ABR: variants seen among roughly 807,000 people sequenced by gnomAD.
The protein encoded by ABR is active breakpoint cluster region-related protein.
A neutral mutation model predicts 107.2 loss-of-function variants in ABR; 35 were observed. That is an observed-to-expected ratio of 0.33 (90% confidence interval 0.25 to 0.43). The LOEUF is 0.43. Ranked by LOEUF, ABR falls within the 20% of genes least tolerant of loss-of-function variation. ABR has a pLI of 1.00. For missense variants in ABR, 815 were observed against 1,115.2 expected (o/e 0.73, Z 3.83); for synonymous variants, 498 against 462.0 (o/e 1.08, Z -1.00).
rs763641087 is a variant in ABR at position 1,058,853 on chromosome 17, G to T, written c.1197C>A (p.Gly399=). 12 of 1,613,996 alleles carry T rather than the reference G, an allele frequency of 7.4e-6. No homozygotes were observed. Among genetic ancestry groups the T allele is most frequent in the Non-Finnish European group, 1.0e-5 (12 of 1,180,028 alleles). Residue 399 remains glycine, a synonymous_variant, in exon 11 of 23, where the codon GGC becomes GGA. Transcript: ENST00000302538. ...TCAGGCGCTCGATGGCCCGGCTCTGGCCTTTGTTGGCTTTCTGCAGGAGAT... is the reference window on the plus strand; with the variant it reads ...TCAGGCGCTCGATGGCCCGGCTCTGTCCTTTGTTGGCTTTCTGCAGGAGAT... ...SEIQKEKANK[G]QSRAIERLKK...
intron 16 of ABR, among the ~76,000 whole-genome samples, chr17:1,013,386 C>T (rs2150747323): frequency 6.6e-6 from 1 of 152,114 alleles, no homozygotes; most frequent in Middle Eastern, 3.4e-3. Flanking sequence ...CTGTTACCCG[C>T]CGTGGGGGAG....
chr17:1,076,727 G>C (rs563983605), intron 6 of ABR, among the ~76,000 whole-genome samples: 54,657 of 122,776 alleles, frequency 0.45, 14,172 homozygotes, highest in Middle Eastern at 0.53. Flanking sequence ...GGGGGGTGGG[G>C]GTGGGGGGGG....
intron 1 of ABR, among the ~76,000 whole-genome samples, chr17:1,138,882 C>G (rs1186604273): frequency 6.6e-6 from 1 of 152,210 alleles, no homozygotes; most frequent in Non-Finnish European, 1.5e-5. Flanking sequence ...TTTAGGTATG[C>G]ACTAGCTCAG....
chr17:1,012,618 C>T (rs2070713623), intron 18 of ABR, 70 bp downstream of exon 18: 2 of 1,192,854 alleles, frequency 1.7e-6, no homozygotes, highest in Non-Finnish European at 2.4e-6. Flanking sequence ...GCGGGGAGGG[C>T]TGGGGGGCCC....
intron 1 of ABR, among the ~76,000 whole-genome samples, chr17:1,149,512 G>A (rs931954157): frequency 1.6e-4 from 24 of 151,598 alleles, no homozygotes; most frequent in African/African-American, 5.6e-4. Context: ...CCACCTCCCG[G>A]GTTCAAGAGA....
chr17:1,135,381 T>C lies in ABR; in HGVS notation c.62-10014A>G, dbSNP rs982889906. 1.8e-4 allele frequency among the ~76,000 whole-genome samples: 27 copies of C among 149,788 alleles called. No homozygotes were observed. In the East Asian group the frequency reaches 4.7e-3, roughly 26 times the overall value. On this transcript the variant is annotated intron_variant, in intron 1 of 22. Coordinates refer to ENST00000302538, the MANE Select transcript of ABR (RefSeq NM_021962.5). ...TTTTATTCTTTTTCTTTTTGTCTTTTTTTTTTTTTTTTGAGACAGAGTTTC... is the reference window on the plus strand; with the variant it reads ...TTTTATTCTTTTTCTTTTTGTCTTTCTTTTTTTTTTTTGAGACAGAGTTTC...
At position 1,011,996 on chromosome 17, in the gene ABR, G is replaced by A. The variant is rs367839819; in HGVS notation, c.1962-11C>T. The A allele has an allele frequency of 1.4e-4, 218 of 1,611,590 alleles. No individual in the cohort carries two copies. The highest frequency in any genetic ancestry group is 1.8e-4 in the Non-Finnish European group (213 of 1,178,344). ...TTGGAGCGCTCCCGCCTGGGGTGGA[G>A]CGTGAGGATGGGTGGAGGGCAGCCC... On this transcript the variant is annotated splice_polypyrimidine_tract_variant and intron_variant, in intron 18 of 22. Coordinates refer to ENST00000302538, the MANE Select transcript of ABR (RefSeq NM_021962.5). This position sits in a 1 kb window ranked among gnomAD's most constrained non-coding sequence, Gnocchi z 4.8.
At chr17:1,007,892 A>G (rs893166147) in intron 21 of ABR, among the ~76,000 whole-genome samples, 1 of 152,176 alleles carries the variant, frequency 6.6e-6, no homozygotes, top group Non-Finnish European at 1.5e-5. Context: ...CAGGGCCTGG[A>G]GCCCAGCAGG....
At chr17:1,137,954 G>A (rs1431026523) in intron 1 of ABR, among the ~76,000 whole-genome samples, 1 of 151,486 alleles carries the variant, frequency 6.6e-6, no homozygotes, top group African/African-American at 2.4e-5. Flanking sequence ...AGGCTGGAGA[G>A]CAGTGGCACA....
At chr17:1,100,352 C>T (rs748516626) in intron 3 of ABR, among the ~76,000 whole-genome samples, 5 of 152,206 alleles carry the variant, frequency 3.3e-5, no homozygotes, top group Admixed American at 1.3e-4. Flanking sequence ...GATGGGTTCA[C>T]GATGCCCTAT....
chr17:1,010,009 G>A lies in ABR; in HGVS notation c.2237-225C>T, dbSNP rs1218057427. Reference sequence around the variant, plus strand: ...ACTCAGCCAGGAGGCCGGCTGGTGGGAGCAGACCCCCTTCCTGCAGCTGAC... The same window carrying A: ...ACTCAGCCAGGAGGCCGGCTGGTGGAAGCAGACCCCCTTCCTGCAGCTGAC... On this transcript the variant is annotated intron_variant, in intron 20 of 22. Coordinates refer to ENST00000302538, the MANE Select transcript of ABR (RefSeq NM_021962.5). The surrounding 1 kb of genome is among the most constrained non-coding windows in gnomAD (Gnocchi z 4.1). 4 of 595,716 alleles carry A rather than the reference G, an allele frequency of 6.7e-6. No homozygotes were observed. The Admixed American group carries it at 1.2e-4, about 18-fold the overall frequency. 36.9% of individuals were successfully genotyped at this position (595,716 alleles called of 1,614,324 possible). A position where few individuals can be genotyped will look rare whatever the true frequency, so the allele number is the denominator to read the frequency against.
At chr17:1,133,617 G>A (rs1171121315) in intron 1 of ABR, among the ~76,000 whole-genome samples, 1 of 152,134 alleles carries the variant, frequency 6.6e-6, no homozygotes, top group East Asian at 1.9e-4. Context: ...AAAAAGACTG[G>A]AAGGCTACAA....
chr17:1,131,131 C>G (rs2039809515), intron 1 of ABR, among the ~76,000 whole-genome samples: 1 of 128,370 alleles, frequency 7.8e-6, no homozygotes, highest in Non-Finnish European at 1.6e-5. Flanking sequence ...CGCACAGCTC[C>G]CCCCTCTTTG....
At chr17:1,007,430 C>A in intron 21 of ABR, 118 bp from the exon 22 acceptor site, 1 of 1,262,470 alleles carries the variant, frequency 7.9e-7, no homozygotes, top group Non-Finnish European at 1.1e-6. Flanking sequence ...GTCACCTCGT[C>A]TCTGTCTCCT....
intron 2 of ABR, among the ~76,000 whole-genome samples, chr17:1,116,996 A>G (rs1597871419): frequency 6.6e-6 from 1 of 152,156 alleles, no homozygotes; most frequent in Non-Finnish European, 1.5e-5. Context: ...CCTGGCTGCC[A>G]TGCCGCCTCT....
intron 6 of ABR, among the ~76,000 whole-genome samples, chr17:1,077,319 G>A (rs996284960): frequency 3.3e-5 from 5 of 152,104 alleles, no homozygotes; most frequent in African/African-American, 7.2e-5. Flanking sequence ...ACAGTATCAC[G>A]GAGACCGAAG....
chr17:1,109,554 G>T (rs1294885885), intron 2 of ABR, among the ~76,000 whole-genome samples: 1 of 152,052 alleles, frequency 6.6e-6, no homozygotes, highest in Non-Finnish European at 1.5e-5. Flanking sequence ...CCGGGGTGGG[G>T]TGGAGCGGGG....
chr17:1,156,048 GCA>G (rs2041028032), intron 1 of ABR: 1 of 152,044 alleles, frequency 6.6e-6, no homozygotes, highest in Admixed American at 6.6e-5. Flanking sequence ...TCACCGTGGA[GCA>G]CAGTGTCCTG....
intron 6 of ABR, among the ~76,000 whole-genome samples, chr17:1,074,460 C>G (rs2035539169): frequency 6.6e-6 from 1 of 152,372 alleles, no homozygotes; most frequent in African/African-American, 2.4e-5. Flanking sequence ...GTCTAGCACA[C>G]CTGCCACATG....
Sources: gnomAD v4.1 joint callset for allele counts (sites outside exome capture counted in the v4.1 genomes callset) on GRCh38, gnomAD v4.1.1 for gene constraint, Gnocchi (gnomAD v3.1) non-coding constraint, MANE v1.5 for transcripts, NCBI Gene and HGNC (gene_info 2026-07-23, HGNC 2026-07-21) for gene names.